The following CD74 variants were observed in gnomAD, a reference collection of about 807,000 sequenced individuals.
CD74 encodes HLA class II histocompatibility antigen gamma chain.
Under a neutral mutation model 37.1 loss-of-function variants are expected in CD74, and 20 were observed. That is an observed-to-expected ratio of 0.54 (90% confidence interval 0.38 to 0.78). The LOEUF (loss-of-function observed/expected upper bound fraction) is 0.78. CD74 is among the 30% of genes least tolerant of loss of function. The probability of loss-of-function intolerance (pLI) is 0.00; values close to 1 mark genes in which losing one functional copy is unlikely to be tolerated. For missense variants in CD74, 338 were observed against 389.5 expected, an observed-to-expected ratio of 0.87 and a Z score of 1.11; for synonymous variants, 150 against 152.0, an observed-to-expected ratio of 0.99 and a Z score of 0.10.
intron 3 of CD74, chr5:150,406,637 A>T: frequency 1.7e-6 from 1 of 586,508 alleles, no homozygotes; most frequent in Non-Finnish European, 3.0e-6. Flanking sequence ...ATGCTATAGG[A>T]AATGAGAAGC....
Position 150,402,067 on chromosome 5 carries a change from T to G in CD74, c.*173A>C. 1.3e-6 allele frequency: 2 copies of G among 1,539,766 alleles called. No individual in the cohort carries two copies. Among genetic ancestry groups the G allele is most frequent in the Non-Finnish European group, 1.7e-6 (2 of 1,146,882 alleles). On this transcript the variant is annotated 3_prime_UTR_variant, in exon 9 of 9. Transcript: ENST00000009530. The surrounding 1 kb of genome is among the most constrained non-coding windows in gnomAD (Gnocchi z 4.2). ...GCAGCAGGGCCTTGCTGCATTGTTA[T>G]CTGCTGTTCCGACTTGGTTTGTCTT...
rs1442249369 is a variant in CD74, at chr5:150,407,840, A to C, written c.126-516T>G. Among the ~76,000 whole-genome samples, 3 of 151,560 alleles carry C rather than the reference A, an allele frequency of 2.0e-5. No individual in the cohort carries two copies. The highest frequency in any genetic ancestry group is 7.3e-5 in the African/African-American group (3 of 41,206). On this transcript the variant is annotated intron_variant, in intron 1 of 8. Transcript: ENST00000009530. This position sits in a 1 kb window ranked among gnomAD's most constrained non-coding sequence, Gnocchi z 4.4. ...GCGATCTCGGCTCACTGCAACCTCC[A>C]CCTCCTGGGTTTATGCCATTCTCCT...
rs566801852 is a variant in CD74 at position 150,407,409 on chromosome 5, C to A, written c.126-85G>T. On this transcript the variant is annotated intron_variant, in intron 1 of 8. Transcript: ENST00000009530. This position sits in a 1 kb window ranked among gnomAD's most constrained non-coding sequence, Gnocchi z 4.4. Reference sequence around the variant, plus strand: ...CTGGCTAGGAATGGGGAAATGTATACCCCCATCTCCATTAGACCCCTAAGC... The same window carrying A: ...CTGGCTAGGAATGGGGAAATGTATAACCCCATCTCCATTAGACCCCTAAGC... 77 of 1,105,480 alleles carry A rather than the reference C, an allele frequency of 7.0e-5. No individual in the cohort carries two copies. The highest frequency in any genetic ancestry group is 3.0e-4 in the Middle Eastern group (1 of 3,350). The allele number at this position is 1,105,480 out of a possible 1,614,324, so 68.5% of individuals were successfully genotyped here.
At chr5:150,405,668 A>G (rs558645233) in intron 4 of CD74, 1 of 161,012 alleles carries the variant, frequency 6.2e-6, no homozygotes, top group Admixed American at 6.2e-5. Context: ...AGCCTTGCAC[A>G]GTGCTGGCAT....
At position 150,403,432 on chromosome 5, in the gene CD74, TACTC is replaced by T. The variant is rs1769762937; in HGVS notation, c.626-124_626-121del. On this transcript the variant is annotated intron_variant, in intron 6 of 8. Coordinates refer to ENST00000009530, the MANE Select transcript of CD74 (RefSeq NM_001025159.3). This position sits in a 1 kb window ranked among gnomAD's most constrained non-coding sequence, Gnocchi z 4.5. The stretch of plus-strand genomic sequence containing the variant: ...TTAATGCCTTCTTCCCAAGTGGCTT[TACTC>T]ACTCCAGCCATCACACGGATGGGAA... 5 of 876,200 alleles carry T rather than the reference TACTC, an allele frequency of 5.7e-6. No homozygotes were observed. The South Asian group carries it at 6.0e-5, about 11-fold the overall frequency. The allele number at this position is 876,200 out of a possible 1,614,324, so 54.3% of individuals were successfully genotyped here.
Position 150,407,193 on chromosome 5 carries a change from T to C in CD74, c.257A>G (p.Gln86Arg). 1 of 1,614,012 alleles carries C rather than the reference T, an allele frequency of 6.2e-7. No homozygotes were observed. The highest frequency in any genetic ancestry group is 1.1e-5 in the South Asian group (1 of 91,074). ...GRLDKLTVTS[Q>R]NLQLENLRMK... ...GCGCAGGTTCTCCAGCTGCAGGTTCTGGGAGGTGACTGTCAGTTTGTCCAG... is the reference window on the plus strand; with the variant it reads ...GCGCAGGTTCTCCAGCTGCAGGTTCCGGGAGGTGACTGTCAGTTTGTCCAG... Residue 86 changes from glutamine to arginine, a missense_variant, in exon 2 of 9, where the codon CAG (glutamine) becomes CGG (arginine). Physicochemically the swap from Gln to Arg is conservative, Grantham distance 43 (BLOSUM62 1). Coordinates refer to ENST00000009530, the MANE Select transcript of CD74 (RefSeq NM_001025159.3). This position sits in a 1 kb window ranked among gnomAD's most constrained non-coding sequence, Gnocchi z 4.4.
At chr5:150,412,343 T>C (rs1043273682) in intron 1 of CD74, among the ~76,000 whole-genome samples, 2 of 152,250 alleles carry the variant, frequency 1.3e-5, no homozygotes, top group Non-Finnish European at 2.9e-5. Context: ...TGTGAAACTC[T>C]AGGGAGAGAA....
At chr5:150,409,720 A>AAC (rs1770224787) in intron 1 of CD74, among the ~76,000 whole-genome samples, 2 of 148,514 alleles carry the variant, frequency 1.3e-5, no homozygotes, top group African/African-American at 4.9e-5. Context: ...AAAAAAAAAA[A>AAC]AACAAGAAAG....
chr5:150,411,182 T>C (rs1375494658), intron 1 of CD74, among the ~76,000 whole-genome samples: 1 of 152,042 alleles, frequency 6.6e-6, no homozygotes. Context: ...CCTTTACGTA[T>C]GTAAATAATC....
Position 150,402,060 on chromosome 5 carries a change from ATTG to A in CD74, c.*177_*179del, listed in dbSNP as rs1367146203. The A allele has an allele frequency of 4.1e-5, 63 of 1,538,368 alleles. 1 individual carries two copies. The South Asian group carries it at 6.5e-4, about 16-fold the overall frequency. On this transcript the variant is annotated 3_prime_UTR_variant, in exon 9 of 9. Transcript: ENST00000009530. The surrounding 1 kb of genome is among the most constrained non-coding windows in gnomAD (Gnocchi z 4.2). ...AGATTGGGCAGCAGGGCCTTGCTGCATTGTTATCTGCTGTTCCGACTTGGTTTG... is the reference window on the plus strand; with the variant it reads ...AGATTGGGCAGCAGGGCCTTGCTGCATTATCTGCTGTTCCGACTTGGTTTG...
intron 6 of CD74, among the ~76,000 whole-genome samples, chr5:150,404,229 A>G (rs1211762094): frequency 3.3e-5 from 5 of 152,200 alleles, no homozygotes; most frequent in African/African-American, 1.2e-4. Context: ...GGGTCTAAAA[A>G]CATCCTAGTC....
At position 150,403,119 on chromosome 5, in the gene CD74, A is replaced by G. The variant is rs1769738970; in HGVS notation, c.817+2T>C. On this transcript the variant is annotated splice_donor_variant, in intron 7 of 8. Transcript: ENST00000009530. LOFTEE classifies it high-confidence loss of function. This position sits in a 1 kb window ranked among gnomAD's most constrained non-coding sequence, Gnocchi z 4.5. ...TGACACTGGCACAGTGCCACTGCTT[A>G]CCACTGCAGTTATGGTGCCCGCGGC... The G allele has an allele frequency of 6.2e-7, 1 of 1,611,556 alleles. No individual in the cohort carries two copies. Among genetic ancestry groups the G allele is most frequent in the African/African-American group, 1.3e-5 (1 of 74,960 alleles).
chr5:150,405,495 A>C (rs1460779540), intron 4 of CD74: 5 of 1,083,162 alleles, frequency 4.6e-6, no homozygotes, highest in Non-Finnish European at 5.7e-6. Context: ...GCAGGTGAGG[A>C]CCCAACCTTG....
chr5:150,404,675 T>G lies in CD74; in HGVS notation c.625+5A>C. On this transcript the variant is annotated splice_donor_5th_base_variant and intron_variant, in intron 6 of 8. Transcript: ENST00000009530. ...CTGGCACGCTAAAGCTCCCACTCCC[T>G]GTACCTTTCGGTGGAGCGTCAGTGG... 2 of 1,562,260 alleles carry G rather than the reference T, an allele frequency of 1.3e-6. No homozygotes were observed. The highest frequency in any genetic ancestry group is 2.4e-5 in the South Asian group (2 of 85,088).
In CD74 at chr5:150,402,375, A is replaced by G; in HGVS notation, c.881-125T>C. 1 of 882,112 alleles carries G rather than the reference A, an allele frequency of 1.1e-6. No homozygotes were observed. The highest frequency in any genetic ancestry group is 1.9e-6 in the Non-Finnish European group (1 of 530,222). 54.6% of individuals were successfully genotyped at this position (882,112 alleles called of 1,614,324 possible). The stretch of plus-strand genomic sequence containing the variant: ...CCTCCCCTGCCCCCTGCTCAGGTCC[A>G]ATAATGACCATCATGGATTTGTGTA... On this transcript the variant is annotated intron_variant, in intron 8 of 8. Transcript: ENST00000009530. The surrounding 1 kb of genome is among the most constrained non-coding windows in gnomAD (Gnocchi z 4.2).
rs1464893451 is a variant in CD74, at chr5:150,402,813, G to T, written c.818-188C>A. 6.6e-6 allele frequency among the ~76,000 whole-genome samples: 1 copy of T among 152,232 alleles called. No homozygotes were observed. The highest frequency in any genetic ancestry group is 1.9e-4 in the East Asian group (1 of 5,202). ...TCGAGTGAGAAGGGGGTGATGAAATGAGATGGGTGGGTCTGTAGGACTCCT... is the reference window on the plus strand; with the variant it reads ...TCGAGTGAGAAGGGGGTGATGAAATTAGATGGGTGGGTCTGTAGGACTCCT... On this transcript the variant is annotated intron_variant, in intron 7 of 8. Transcript: ENST00000009530. The surrounding 1 kb of genome is among the most constrained non-coding windows in gnomAD (Gnocchi z 4.2).
At chr5:150,404,650 C>T (rs1769842120) in intron 6 of CD74, 30 bp downstream of exon 6, 1 of 1,464,998 alleles carries the variant, frequency 6.8e-7, no homozygotes, top group South Asian at 1.2e-5. Context: ...TCCAGAAGCC[C>T]TGGCACGCTA....
At chr5:150,406,741 T>G in intron 3 of CD74, 140 bp downstream of exon 3, 3 of 612,758 alleles carry the variant, frequency 4.9e-6, no homozygotes, top group Non-Finnish European at 8.7e-6. Context: ...GCCCGATTCT[T>G]CCTGAGGCAG....
In CD74 at chr5:150,406,287, G is replaced by T; in HGVS notation, c.413C>A (p.Thr138Lys). ...GAGCAGGTGCATCACATGGTCCTCTGTCATGTTGCCATACTTGGTGGCATT... is the reference window on the plus strand; with the variant it reads ...GAGCAGGTGCATCACATGGTCCTCTTTCATGTTGCCATACTTGGTGGCATT... ...MQNATKYGNM[T>K]EDHVMHLLQN... The change falls in exon 4 of 9, where the codon ACA (threonine) becomes AAA (lysine). Residue 138 changes from threonine (T) to lysine (K), a missense_variant. Thr to Lys is a moderately conservative substitution (Grantham distance 78). Transcript: ENST00000009530. 1 of 1,613,926 alleles carries T rather than the reference G, an allele frequency of 6.2e-7. No homozygotes were observed. The highest frequency in any genetic ancestry group is 8.5e-7 in the Non-Finnish European group (1 of 1,179,894).
Sources: gnomAD v4.1 joint callset for allele counts (sites outside exome capture counted in the v4.1 genomes callset) on GRCh38, gnomAD v4.1.1 for gene constraint, Gnocchi (gnomAD v3.1) non-coding constraint, MANE v1.5 for transcripts, NCBI Gene and HGNC (gene_info 2026-07-23, HGNC 2026-07-21) for gene names.